FBXO34: variants seen among roughly 807,000 people sequenced by gnomAD.
FBXO34 encodes F-box protein 34.
FBXO34 carries 12 observed loss-of-function variants against 24.5 expected under a neutral mutation model. The ratio of observed to expected loss-of-function variants is 0.49; its 90% CI spans 0.31 to 0.79. The LOEUF (loss-of-function observed/expected upper bound fraction) is 0.79, where lower values mean the gene tolerates loss of function less well. Ranked by LOEUF, FBXO34 falls within the 30% of genes least tolerant of loss-of-function variation. FBXO34 has a pLI of 0.04. For missense variants in FBXO34, 823 were observed against 857.7 expected (o/e 0.96, Z 0.51); for synonymous variants, 320 against 311.9 (o/e 1.03, Z -0.27).
chr14:55,294,958 T>G (rs1882070368), intron 1 of FBXO34, among the ~76,000 whole-genome samples: 1 of 152,230 alleles, frequency 6.6e-6, no homozygotes. Context: ...CCTTAAACAT[T>G]CTTAGAATAT....
chr14:55,336,043 A>G (rs1883764252), intron 1 of FBXO34, among the ~76,000 whole-genome samples: 2 of 152,306 alleles, frequency 1.3e-5, no homozygotes, highest in Admixed American at 1.3e-4. Flanking sequence ...TTATATATAT[A>G]TGTCTTTAAA....
At chr14:55,322,861 T>C (rs1883187278) in intron 1 of FBXO34, among the ~76,000 whole-genome samples, 1 of 151,758 alleles carries the variant, frequency 6.6e-6, no homozygotes, top group Non-Finnish European at 1.5e-5. Flanking sequence ...CAGTGTGCCA[T>C]TAAAAATTTT....
At position 55,351,443 on chromosome 14, in the gene FBXO34, C is replaced by G. The variant is rs1368350626; in HGVS notation, c.1053C>G (p.Gly351=). The G allele has an allele frequency of 1.2e-6, 2 of 1,614,054 alleles. No homozygotes were observed. The highest frequency in any genetic ancestry group is 3.3e-5 in the Admixed American group (2 of 60,006). Residue 351 remains glycine, a synonymous_variant, in exon 2 of 2, where the codon GGC becomes GGG. Transcript: ENST00000313833. ...TGGGGTCTGTATCTGTGGATTGTGG[C>G]CCTTCAAGAGCTGATCGTTGTTCTC... The part of the protein sequence containing the change: ...NPVGSVSVDC[G]PSRADRCSPK...
chr14:55,327,598 T>C (rs1883381404), intron 1 of FBXO34, among the ~76,000 whole-genome samples: 1 of 152,182 alleles, frequency 6.6e-6, no homozygotes, highest in South Asian at 2.1e-4. Flanking sequence ...AAAATGTTGC[T>C]GTTTACTAAA....
downstream of FBXO34, among the ~76,000 whole-genome samples, chr14:55,363,072 G>A (rs1884615420): frequency 6.7e-6 from 1 of 150,284 alleles, no homozygotes; most frequent in African/African-American, 2.5e-5. Context: ...GCCCAGGCTG[G>A]AGTGTAATGG....
chr14:55,428,695 C>A, the FBXO34 span: 1 of 1,165,468 alleles, frequency 8.6e-7, no homozygotes, highest in East Asian at 2.4e-5. Flanking sequence ...TTGTGTCCCC[C>A]GCCTTTTTTT....
At chr14:55,338,024 A>C (rs1883843841) in intron 1 of FBXO34, among the ~76,000 whole-genome samples, 1 of 144,350 alleles carries the variant, frequency 6.9e-6, no homozygotes, top group African/African-American at 2.6e-5. Context: ...CTCCATCTAC[A>C]ATTGGAGATA....
At chr14:55,319,335 G>T (rs1004971600) in intron 1 of FBXO34, among the ~76,000 whole-genome samples, 4 of 152,186 alleles carry the variant, frequency 2.6e-5, no homozygotes, top group African/African-American at 9.7e-5. Context: ...TCAAAGTTGT[G>T]AAGATGGTAA....
intron 1 of FBXO34, among the ~76,000 whole-genome samples, chr14:55,339,027 T>A (rs1390237156): frequency 6.6e-6 from 1 of 152,128 alleles, no homozygotes; most frequent in Non-Finnish European, 1.5e-5. Flanking sequence ...CAGTGAAAAT[T>A]AGCATTATCC....
At chr14:55,369,892 C>T (rs764423857), downstream of FBXO34, 10 of 1,613,424 alleles carry the variant, frequency 6.2e-6, no homozygotes, top group African/African-American at 1.3e-4. Flanking sequence ...CCATGGACTC[C>T]TCAAGGTCTG....
chr14:55,428,200 G>C, the FBXO34 span, among the ~76,000 whole-genome samples: 1 of 138,160 alleles, frequency 7.2e-6, no homozygotes, highest in African/African-American at 2.8e-5. Flanking sequence ...CGCGAGGTCG[G>C]CTCACTGCAA....
chr14:55,380,799 T>C, the FBXO34 span: 1 of 559,082 alleles, frequency 1.8e-6, no homozygotes, highest in East Asian at 3.4e-5. Context: ...TGTTACGTTT[T>C]AGTGCTTCCT....
At chr14:55,387,716 C>T in the FBXO34 span, among the ~76,000 whole-genome samples, 1 of 152,074 alleles carries the variant, frequency 6.6e-6, no homozygotes, top group Non-Finnish European at 1.5e-5. Flanking sequence ...GTTGCCCAGG[C>T]TGGAATGCAG....
chr14:55,348,334 TC>T (rs1884227057), intron 1 of FBXO34, among the ~76,000 whole-genome samples: 1 of 152,056 alleles, frequency 6.6e-6, no homozygotes, highest in Non-Finnish European at 1.5e-5. Flanking sequence ...GCTCAATAGA[TC>T]CTTCTGCCTC....
At chr14:55,408,226 G>A in the FBXO34 span, among the ~76,000 whole-genome samples, 36 of 152,292 alleles carry the variant, frequency 2.4e-4, no homozygotes, top group South Asian at 3.1e-3. Context: ...GCTGAGGCTG[G>A]TGGATGGCTT....
intron 1 of FBXO34, among the ~76,000 whole-genome samples, chr14:55,344,546 A>ATTTTTTTTTTTTTTTTTT (rs3085086): frequency 7.2e-6 from 1 of 138,972 alleles, no homozygotes; most frequent in Non-Finnish European, 1.6e-5. Flanking sequence ...GTGTATGTGT[A>ATTTTTTTTTTTTTTTTTT]TTTTTTTTTT....
chr14:55,365,238 A>C (rs551011725), downstream of FBXO34, among the ~76,000 whole-genome samples: 105 of 150,824 alleles, frequency 7.0e-4, 4 homozygotes, highest in East Asian at 0.012. Flanking sequence ...AAAAAAAAAA[A>C]AAAAAAACAA....
chr14:55,407,424 C>T, the FBXO34 span, among the ~76,000 whole-genome samples: 5 of 152,152 alleles, frequency 3.3e-5, no homozygotes, highest in African/African-American at 4.8e-5. Flanking sequence ...CCACTGCCCC[C>T]GGCCTCATTT....
At chr14:55,325,482 A>AT (rs11374206) in intron 1 of FBXO34, among the ~76,000 whole-genome samples, 46,043 of 149,926 alleles carry the variant, frequency 0.31, 7,278 homozygotes, top group Non-Finnish European at 0.34. Context: ...AAACTAAATT[A>AT]TTTTTTTTTT....
Sources: gnomAD v4.1 joint callset for allele counts (sites outside exome capture counted in the v4.1 genomes callset) on GRCh38, gnomAD v4.1.1 for gene constraint, MANE v1.5 for transcripts, NCBI Gene and HGNC (gene_info 2026-07-23, HGNC 2026-07-21) for gene names.